The following PLXNA4 variants were observed in gnomAD, a reference collection of about 807,000 sequenced individuals.
The protein encoded by PLXNA4 is plexin-A4.
A neutral mutation model predicts 191.8 loss-of-function variants in PLXNA4; 44 were observed. The observed-to-expected ratio is 0.23, with a 90% CI of 0.18 to 0.29. PLXNA4 has a LOEUF of 0.29. PLXNA4 is among the 10% of genes least tolerant of loss of function. The probability of loss-of-function intolerance (pLI) is 1.00; values close to 1 mark genes in which losing one functional copy is unlikely to be tolerated. For missense variants in PLXNA4, 1,800 were observed against 2,488.8 expected (o/e 0.72, Z 5.89); for synonymous variants, 1,082 against 1,009.5 (o/e 1.07, Z -1.36).
intron 3 of PLXNA4, among the ~76,000 whole-genome samples, chr7:132,481,966 A>G (rs1051556333): frequency 1.3e-5 from 2 of 152,214 alleles, no homozygotes; most frequent in Non-Finnish European, 1.5e-5. Flanking sequence ...GCCACAAGCC[A>G]AAAGACAGGA....
At chr7:132,416,758 G>C (rs1433391) in intron 3 of PLXNA4, among the ~76,000 whole-genome samples, 42,719 of 152,106 alleles carry the variant, frequency 0.28, 12,610 homozygotes, top group African/African-American at 0.74. Flanking sequence ...CAGTAGGACT[G>C]TCTTCCTATT....
At chr7:132,224,465 T>C (rs941642629) in intron 8 of PLXNA4, among the ~76,000 whole-genome samples, 23 of 152,142 alleles carry the variant, frequency 1.5e-4, no homozygotes, top group African/African-American at 5.1e-4. Context: ...TATCTCACCA[T>C]TACCTGTCCA....
At chr7:132,624,578 T>C (rs1803333558) in intron 2 of PLXNA4, among the ~76,000 whole-genome samples, 1 of 152,154 alleles carries the variant, frequency 6.6e-6, no homozygotes, top group Admixed American at 6.5e-5. Flanking sequence ...CAAGTCCTAC[T>C]TCATATGAAA....
At chr7:132,550,620 A>C (rs553544771) in intron 1 of PLXNA4, among the ~76,000 whole-genome samples, 26 of 152,350 alleles carry the variant, frequency 1.7e-4, no homozygotes, top group African/African-American at 6.0e-4. Context: ...TTGTATTTGC[A>C]AGGCACCAAG....
intron 4 of PLXNA4, among the ~76,000 whole-genome samples, chr7:132,254,830 T>C (rs1200116577): frequency 1.3e-5 from 2 of 152,174 alleles, no homozygotes; most frequent in African/African-American, 2.4e-5. Context: ...CTGATCTATA[T>C]CCGACTAAGG....
At chr7:132,440,950 T>A (rs969453661) in intron 3 of PLXNA4, among the ~76,000 whole-genome samples, 3 of 152,238 alleles carry the variant, frequency 2.0e-5, no homozygotes, top group Non-Finnish European at 2.9e-5. Flanking sequence ...TGCACTTATT[T>A]TTCCAAAATA....
At chr7:132,499,893 G>A (rs1273652934) in intron 2 of PLXNA4, among the ~76,000 whole-genome samples, 1 of 152,150 alleles carries the variant, frequency 6.6e-6, no homozygotes, top group East Asian at 1.9e-4. Context: ...AGGGAAGGGA[G>A]TGGGCTGCTT....
At chr7:132,173,117 G>A (rs750332688) in intron 21 of PLXNA4, among the ~76,000 whole-genome samples, 2 of 152,074 alleles carry the variant, frequency 1.3e-5, no homozygotes, top group African/African-American at 2.4e-5. Flanking sequence ...ACACACACAC[G>A]TGCACACAAT....
At chr7:132,259,612 T>C (rs1371734470) in intron 4 of PLXNA4, among the ~76,000 whole-genome samples, 3 of 152,056 alleles carry the variant, frequency 2.0e-5, no homozygotes, top group Non-Finnish European at 4.4e-5. Context: ...CCTTTGTGCA[T>C]CTTGGTTCTT....
intron 3 of PLXNA4, among the ~76,000 whole-genome samples, chr7:132,390,318 C>T (rs1319268558): frequency 6.6e-6 from 1 of 151,978 alleles, no homozygotes; most frequent in Non-Finnish European, 1.5e-5. Flanking sequence ...AACACAGGAA[C>T]AGAAAACCAA....
Position 132,646,693 on chromosome 7 carries a change from C to T in PLXNA4, c.-202-650G>A, listed in dbSNP as rs534862354. Among the ~76,000 whole-genome samples the T allele has an allele frequency of 1.6e-4, 24 of 152,186 alleles. No individual in the cohort carries two copies. The South Asian group carries it at 2.3e-3, about 14-fold the overall frequency. On this transcript the variant is annotated intron_variant, in intron 1 of 4. Transcript: ENST00000378539. ...GGAAATCAATGCCTGTTGTTTAGGC[C>T]ACTCAGTCTGAGCCCTACTGGTGGG...
At chr7:132,437,569 G>GAAAAAAAAA (rs58252362) in intron 3 of PLXNA4, among the ~76,000 whole-genome samples, 4 of 138,366 alleles carry the variant, frequency 2.9e-5, no homozygotes, top group Admixed American at 7.2e-5. Context: ...GGAAAAAAAA[G>GAAAAAAAAA]AAAAAAAAAA....
intron 30 of PLXNA4, among the ~76,000 whole-genome samples, chr7:132,135,209 C>A (rs1316977443): frequency 6.6e-6 from 1 of 152,150 alleles, no homozygotes; most frequent in East Asian, 1.9e-4. Flanking sequence ...AAAGTGTGAA[C>A]AAATAACCTC....
chr7:132,426,842 A>AAAGAGAAT (rs1393870624), intron 3 of PLXNA4, among the ~76,000 whole-genome samples: 1 of 152,226 alleles, frequency 6.6e-6, no homozygotes, highest in East Asian at 1.9e-4. Flanking sequence ...TCGTCTCATT[A>AAAGAGAAT]AAGAGAATTT....
chr7:132,390,761 C>T (rs1805373969), intron 3 of PLXNA4, among the ~76,000 whole-genome samples: 1 of 152,114 alleles, frequency 6.6e-6, no homozygotes, highest in Non-Finnish European at 1.5e-5. Flanking sequence ...CCCAGCCCCA[C>T]CCTGCCTTTC....
intron 1 of PLXNA4, among the ~76,000 whole-genome samples, chr7:132,536,070 C>A (rs1339816551): frequency 6.6e-6 from 1 of 152,194 alleles, no homozygotes; most frequent in Non-Finnish European, 1.5e-5. Context: ...CGTCTTATGA[C>A]CTTGGACGAG....
chr7:132,387,884 C>T (rs1230988156), intron 3 of PLXNA4, among the ~76,000 whole-genome samples: 2 of 152,062 alleles, frequency 1.3e-5, no homozygotes, highest in African/African-American at 4.8e-5. Flanking sequence ...ATCTGCTTGG[C>T]CATTAAGGGC....
intron 3 of PLXNA4, among the ~76,000 whole-genome samples, chr7:132,394,267 C>T (rs1048980866): frequency 3.9e-5 from 6 of 152,154 alleles, no homozygotes; most frequent in Non-Finnish European, 7.4e-5. Flanking sequence ...ACACCCAAGC[C>T]GATTTGGTGC....
chr7:132,468,734 G>GCACACACA (rs36218194), intron 3 of PLXNA4, among the ~76,000 whole-genome samples: 10 of 145,280 alleles, frequency 6.9e-5, no homozygotes, highest in East Asian at 2.1e-4. Context: ...ATATGCACAC[G>GCACACACA]CACACACACA....
Sources: allele counts gnomAD v4.1 joint callset (sites outside exome capture counted in the v4.1 genomes callset), GRCh38; gene constraint gnomAD v4.1.1; transcripts MANE v1.5; gene names NCBI Gene and HGNC (gene_info 2026-07-23, HGNC 2026-07-21).